Variants in CATSPERD observed in about 807,000 individuals in gnomAD.
CATSPERD encodes cation channel sperm-associated auxiliary subunit delta.
Under a neutral mutation model 98.1 loss-of-function variants are expected in CATSPERD, and 86 were observed. The ratio of observed to expected loss-of-function variants is 0.88; its 90% CI spans 0.74 to 1.05. The LOEUF is 1.05. CATSPERD is among the 50% of genes least tolerant of loss of function. The pLI is 0.00. For synonymous variants in CATSPERD, 394 were observed against 390.2 expected (o/e 1.01, Z -0.12); for missense variants, 995 against 1,005.7 (o/e 0.99, Z 0.14).
At chr19:5,732,268 G>C (rs1457548269) in intron 4 of CATSPERD, among the ~76,000 whole-genome samples, 1 of 152,114 alleles carries the variant, frequency 6.6e-6, no homozygotes, top group Non-Finnish European at 1.5e-5. Context: ...ACCACGCCCA[G>C]CTTCAGGGAA....
chr19:5,766,951 T>C (rs556734701), intron 17 of CATSPERD, among the ~76,000 whole-genome samples: 2 of 151,662 alleles, frequency 1.3e-5, no homozygotes, highest in African/African-American at 4.8e-5. Context: ...CCTCAGCCTC[T>C]CAAAGTGCTG....
chr19:5,767,888 C>G (rs1266207038), intron 17 of CATSPERD, among the ~76,000 whole-genome samples: 1 of 152,090 alleles, frequency 6.6e-6, no homozygotes, highest in Non-Finnish European at 1.5e-5. Flanking sequence ...CCTCCGCCTC[C>G]CAGGTTCAAG....
At chr19:5,734,330 C>T (rs1001233120) in intron 5 of CATSPERD, among the ~76,000 whole-genome samples, 47 of 152,106 alleles carry the variant, frequency 3.1e-4, no homozygotes, top group Non-Finnish European at 5.4e-4. Context: ...TGGCGAAACC[C>T]GGTCTCTACT....
In CATSPERD at chr19:5,776,183, C is replaced by G. The variant is rs2056738576; in HGVS notation, c.1964C>G (p.Pro655Arg). The part of the protein sequence containing the change: ...NRENYVSCHD[P>R]NNNAPLRWPD... ...CAGAACTATGTGAGCTGCCACGACC[C>G]CAACAACAATGCCCCTTTGAGGTGG... The change falls in exon 21 of 22, where the codon CCC becomes CGC. Residue 655 changes from proline (P) to arginine (R), a missense_variant. Around this residue, in one of 3 missense-constraint regions of CATSPERD, gnomAD observed 762 missense variants for 773.7 expected, o/e 0.98. Coordinates refer to ENST00000381624, the MANE Select transcript of CATSPERD (RefSeq NM_152784.4). 2.5e-6 allele frequency: 4 copies of G among 1,614,226 alleles called. No homozygotes were observed. The highest frequency in any genetic ancestry group is 1.6e-4 in the Middle Eastern group (1 of 6,062).
Position 5,778,650 on chromosome 19 carries a change from C to T in CATSPERD, c.2371C>T (p.Pro791Ser). The T allele has an allele frequency of 6.2e-7, 1 of 1,613,400 alleles. No individual in the cohort carries two copies. The highest frequency in any genetic ancestry group is 8.5e-7 in the Non-Finnish European group (1 of 1,179,948). ...AGAGCCCCCGGGACGCCACCGCACT[C>T]CTCACGGAGGCAGGTCTGACCACTG... ...GTEPPGRHRT[P>S]HGGRSDH The change falls in exon 22 of 22, where the codon CCT becomes TCT. Residue 791 changes from proline to serine, a missense_variant. Coordinates refer to ENST00000381624, the MANE Select transcript of CATSPERD (RefSeq NM_152784.4).
intron 6 of CATSPERD, among the ~76,000 whole-genome samples, chr19:5,738,874 C>G (rs1010736782): frequency 6.6e-6 from 1 of 151,726 alleles, no homozygotes; most frequent in Non-Finnish European, 1.5e-5. Flanking sequence ...ACACGCCCGG[C>G]CTGTTTTTGT....
chr19:5,743,970 G>A (rs1036603594), intron 7 of CATSPERD, among the ~76,000 whole-genome samples: 1 of 152,028 alleles, frequency 6.6e-6, no homozygotes, highest in Admixed American at 6.6e-5. Flanking sequence ...TTTGCCCCAA[G>A]TGTCACATTT....
In CATSPERD at chr19:5,720,707, G is replaced by T; in HGVS notation, c.-31G>T. The T allele has an allele frequency of 6.2e-7, 1 of 1,601,258 alleles. No homozygotes were observed. On this transcript the variant is annotated 5_prime_UTR_variant, in exon 1 of 22. The change creates a new upstream start codon in the 5' untranslated region. Transcript: ENST00000381624. ...TGCAGCGACTCCCCGTGGCGGTTGA[G>T]GGGCAGTGGTGGCGGCGGAAGCCCA...
At chr19:5,772,239 TTTTTTTG>T (rs2056660963) in intron 19 of CATSPERD, 1 of 277,154 alleles carries the variant, frequency 3.6e-6, no homozygotes, top group African/African-American at 3.0e-5. Flanking sequence ...TTTTTTTTTT[TTTTTTTG>T]AGACAGAGTC....
At chr19:5,763,406 G>A (rs886154096) in intron 16 of CATSPERD, 113 bp downstream of exon 16, 7 of 726,216 alleles carry the variant, frequency 9.6e-6, no homozygotes, top group Non-Finnish European at 1.6e-5. Context: ...TCCAACCTGG[G>A]TGCAAGAGAG....
At chr19:5,739,540 A>G in intron 7 of CATSPERD, 101 bp downstream of exon 7, 1 of 677,872 alleles carries the variant, frequency 1.5e-6, no homozygotes, top group South Asian at 1.6e-5. Context: ...CCTCTTTAAG[A>G]GTCCAACTGG....
chr19:5,745,940 C>G lies in CATSPERD; in HGVS notation c.685C>G (p.Leu229Val). The G allele has an allele frequency of 6.2e-7, 1 of 1,614,136 alleles. No homozygotes were observed. Among genetic ancestry groups the G allele is most frequent in the Non-Finnish European group, 8.5e-7 (1 of 1,180,020 alleles). Residue 229 changes from leucine (L) to valine (V), a missense_variant, in exon 9 of 22, where the codon CTC (leucine) becomes GTC (valine). This residue lies in a region of CATSPERD where 762 missense variants were observed against 773.7 expected (regional missense o/e 0.98). Transcript: ENST00000381624. ...KGMFKYSDHP[L>V]NRSFGLSFDY... ...CATGTTCAAGTACTCAGATCACCCC[C>G]TCAACCGGAGTTTCGGGCTGTCTTT...
At chr19:5,733,569 G>A (rs1462563713) in intron 4 of CATSPERD, among the ~76,000 whole-genome samples, 1 of 151,680 alleles carries the variant, frequency 6.6e-6, no homozygotes, top group Non-Finnish European at 1.5e-5. Context: ...CGATTCTCCT[G>A]CCTCAGCCTC....
chr19:5,732,383 T>A (rs2055743093), intron 4 of CATSPERD, among the ~76,000 whole-genome samples: 1 of 152,140 alleles, frequency 6.6e-6, no homozygotes, highest in African/African-American at 2.4e-5. Flanking sequence ...CAGTTCTCAG[T>A]ATCTAAGAAC....
intron 1 of CATSPERD, among the ~76,000 whole-genome samples, chr19:5,722,959 C>T (rs996789271): frequency 3.3e-5 from 5 of 151,864 alleles, no homozygotes; most frequent in African/African-American, 7.3e-5. Flanking sequence ...GAGGTGGAGG[C>T]GGGCGGATCA....
intron 5 of CATSPERD, among the ~76,000 whole-genome samples, chr19:5,734,390 G>A (rs2055799667): frequency 1.3e-5 from 2 of 152,180 alleles, no homozygotes; most frequent in Non-Finnish European, 2.9e-5. Flanking sequence ...TGTAATCCCA[G>A]CACTTTGGGA....
At chr19:5,752,585 CA>C (rs2056241568) in intron 12 of CATSPERD, among the ~76,000 whole-genome samples, 1 of 152,166 alleles carries the variant, frequency 6.6e-6, no homozygotes, top group Non-Finnish European at 1.5e-5. Context: ...CCAACACGAT[CA>C]AACTCAATCT....
In CATSPERD at chr19:5,778,366, C is replaced by G. The variant is rs1198732400; in HGVS notation, c.2097-10C>G. The G allele has an allele frequency of 3.8e-6, 6 of 1,593,628 alleles. No individual in the cohort carries two copies. The highest frequency in any genetic ancestry group is 1.1e-5 in the South Asian group (1 of 88,496). ...GCCCAACAGCCTCTCCCCGCCTCCCCCCACCGCAGCTACTGTCAACTGGAG... is the reference window on the plus strand; with the variant it reads ...GCCCAACAGCCTCTCCCCGCCTCCCGCCACCGCAGCTACTGTCAACTGGAG... On this transcript the variant is annotated splice_polypyrimidine_tract_variant and intron_variant, in intron 21 of 21. Coordinates refer to ENST00000381624, the MANE Select transcript of CATSPERD (RefSeq NM_152784.4).
intron 1 of CATSPERD, among the ~76,000 whole-genome samples, chr19:5,721,111 G>A (rs1022625799): frequency 6.7e-6 from 1 of 149,134 alleles, no homozygotes; most frequent in Non-Finnish European, 1.5e-5. Context: ...CCATTCTCCT[G>A]CCTCAGCCTC....
Sources: allele counts gnomAD v4.1 joint callset (sites outside exome capture counted in the v4.1 genomes callset), GRCh38; gene constraint gnomAD v4.1.1; regional missense constraint gnomAD v4.1.1; transcripts MANE v1.5; gene names NCBI Gene and HGNC (gene_info 2026-07-23, HGNC 2026-07-21).